PCDH7: variants seen among roughly 807,000 people sequenced by gnomAD.
PCDH7 encodes protocadherin 7.
A neutral mutation model predicts 58.9 loss-of-function variants in PCDH7; 17 were observed. That is an observed-to-expected ratio of 0.29 (90% CI 0.20 to 0.43). The LOEUF (loss-of-function observed/expected upper bound fraction) is 0.43. Among genes scored for constraint, PCDH7 ranks in the 20% least tolerant of loss-of-function variants. The probability of loss-of-function intolerance (pLI) is 1.00; values close to 1 mark genes in which losing one functional copy is unlikely to be tolerated. For missense variants in PCDH7, 1,274 were observed against 1,441.0 expected (o/e 0.88, Z 1.88); for synonymous variants, 664 against 616.4 (o/e 1.08, Z -1.14).
intron 1 of PCDH7, among the ~76,000 whole-genome samples, chr4:30,914,552 T>G (rs1742179363): frequency 6.6e-6 from 1 of 152,162 alleles, no homozygotes; most frequent in Non-Finnish European, 1.5e-5. Context: ...AAAATAAAAT[T>G]TTAGCACTTT....
At chr4:30,923,038 G>A (rs1398378426) in intron 2 of PCDH7, among the ~76,000 whole-genome samples, 1 of 152,030 alleles carries the variant, frequency 6.6e-6, no homozygotes, top group African/African-American at 2.4e-5. Flanking sequence ...TGGAATCCAG[G>A]TAATCTGTAG....
At chr4:31,030,218 T>C (rs886880373) in intron 3 of PCDH7, among the ~76,000 whole-genome samples, 1 of 151,978 alleles carries the variant, frequency 6.6e-6, no homozygotes, top group Admixed American at 6.6e-5. Flanking sequence ...GTTATATTCA[T>C]TTGTCCTATA....
intron 3 of PCDH7, among the ~76,000 whole-genome samples, chr4:31,076,676 C>T (rs1759020631): frequency 6.6e-6 from 1 of 152,148 alleles, no homozygotes; most frequent in African/African-American, 2.4e-5. Context: ...TTTTCAGCAT[C>T]TCAACATAGT....
chr4:31,011,699 C>A (rs573810505), intron 3 of PCDH7, among the ~76,000 whole-genome samples: 3 of 151,924 alleles, frequency 2.0e-5, no homozygotes, highest in South Asian at 2.1e-4. Context: ...CAACTCTCAA[C>A]TTTAAGGTAA....
intron 3 of PCDH7, among the ~76,000 whole-genome samples, chr4:31,026,955 T>A (rs1439009349): frequency 1.3e-5 from 2 of 152,200 alleles, no homozygotes; most frequent in East Asian, 3.9e-4. Context: ...GGCTTCAAAT[T>A]ATTGCATTTT....
rs1425289321 is a variant in PCDH7, at chr4:30,721,977, G to T, written c.555G>T (p.Glu185Asp). The T allele has an allele frequency of 2.2e-6, 3 of 1,349,286 alleles. No homozygotes were observed. Among genetic ancestry groups the T allele is most frequent in the South Asian group, 3.7e-5 (2 of 53,676 alleles). 83.6% of individuals were successfully genotyped at this position (1,349,286 alleles called of 1,614,324 possible). A position where few individuals can be genotyped will look rare whatever the true frequency, so the allele number is the denominator to read the frequency against. The stretch of plus-strand genomic sequence containing the variant: ...TCGAGCGCTACGAGCTGCTCCAGGA[G>T]CCCGGAGGCGGCGGCAGCGGCGGCG... Residue 185 changes from glutamate to aspartate, a missense_variant, in exon 1 of 2, where the codon GAG becomes GAT. Transcript: ENST00000361762. The surrounding 1 kb of genome is among the most constrained non-coding windows in gnomAD (Gnocchi z 6.7).
chr4:31,015,292 C>T (rs946375933), intron 3 of PCDH7, among the ~76,000 whole-genome samples: 1 of 152,174 alleles, frequency 6.6e-6, no homozygotes, highest in South Asian at 2.1e-4. Flanking sequence ...CAATCCACAT[C>T]GCACTTTATG....
chr4:30,847,834 T>C (rs941627769), intron 1 of PCDH7, among the ~76,000 whole-genome samples: 1 of 152,132 alleles, frequency 6.6e-6, no homozygotes, highest in Admixed American at 6.6e-5. Context: ...CACTCTTCCT[T>C]TATTACTTTG....
intron 3 of PCDH7, among the ~76,000 whole-genome samples, chr4:30,968,376 C>CTATA (rs60085619): frequency 0.031 from 2,048 of 66,722 alleles, 37 homozygotes; most frequent in Middle Eastern, 0.034. Context: ...TATACACACA[C>CTATA]TATATATATA....
rs367880816 is a variant in PCDH7, at chr4:30,873,528, G to T, written c.71-46625G>T. On this transcript the variant is annotated intron_variant, in intron 1 of 3. Coordinates refer to the PCDH7 transcript ENST00000509759. The stretch of plus-strand genomic sequence containing the variant: ...ATCTATATGTATTTCTAAATAATGA[G>T]AAATTTTGCAGAGAATTACAATGAT... Among the ~76,000 whole-genome samples the T allele has an allele frequency of 2.8e-5, 3 of 106,140 alleles. No homozygotes were observed. The East Asian group carries it at 6.5e-4, about 23-fold the overall frequency. 69.6% of individuals were successfully genotyped at this position (106,140 alleles called of 152,430 possible). A position where few individuals can be genotyped will look rare whatever the true frequency, so the allele number is the denominator to read the frequency against.
At chr4:30,934,771 C>T (rs988896097) in intron 2 of PCDH7, among the ~76,000 whole-genome samples, 5 of 151,992 alleles carry the variant, frequency 3.3e-5, no homozygotes, top group Non-Finnish European at 5.9e-5. Flanking sequence ...TTAAAAAGTC[C>T]TTCTTAAATA....
At chr4:31,090,384 C>T (rs935421064) in intron 3 of PCDH7, among the ~76,000 whole-genome samples, 3 of 151,736 alleles carry the variant, frequency 2.0e-5, no homozygotes, top group Non-Finnish European at 4.4e-5. Context: ...ATGGATTATC[C>T]GTCACCTACG....
intron 1 of PCDH7, among the ~76,000 whole-genome samples, chr4:30,802,496 A>G (rs1215566971): frequency 1.3e-5 from 2 of 152,122 alleles, no homozygotes; most frequent in Non-Finnish European, 2.9e-5. Flanking sequence ...AAGTACATGG[A>G]TGAAACAAGA....
intron 3 of PCDH7, among the ~76,000 whole-genome samples, chr4:31,123,835 A>T (rs1291922199): frequency 6.6e-6 from 1 of 152,090 alleles, no homozygotes. Context: ...AAGAGGATGG[A>T]GGGAGAAGAG....
chr4:30,963,970 A>G (rs528641975), intron 3 of PCDH7, among the ~76,000 whole-genome samples: 10 of 152,184 alleles, frequency 6.6e-5, no homozygotes, highest in African/African-American at 2.2e-4. Context: ...TTATCTTTCT[A>G]TTTCAAACAC....
chr4:30,973,243 G>A (rs1156687809), intron 3 of PCDH7, among the ~76,000 whole-genome samples: 1 of 152,188 alleles, frequency 6.6e-6, no homozygotes, highest in African/African-American at 2.4e-5. Flanking sequence ...GAGGATGAAA[G>A]GTACTACAAG....
At chr4:30,788,883 C>T (rs35154721) in intron 1 of PCDH7, among the ~76,000 whole-genome samples, 24,013 of 152,016 alleles carry the variant, frequency 0.16, 2,139 homozygotes, top group East Asian at 0.31. Context: ...ATTTTTAAGA[C>T]AATTTTAAGT....
At chr4:30,898,283 G>T (rs1243221170) in intron 1 of PCDH7, among the ~76,000 whole-genome samples, 2 of 152,124 alleles carry the variant, frequency 1.3e-5, no homozygotes, top group Admixed American at 6.5e-5. Context: ...ACCCGAAGGA[G>T]TTTAAGTGTA....
Position 30,723,558 on chromosome 4 carries a change from C to T in PCDH7, c.2136C>T (p.Val712=), listed in dbSNP as rs1452847911. The T allele has an allele frequency of 6.2e-7, 1 of 1,614,136 alleles. No homozygotes were observed. Among genetic ancestry groups the T allele is most frequent in the Non-Finnish European group, 8.5e-7 (1 of 1,180,002 alleles). Reference sequence around the variant, plus strand: ...ATCAGACCACATACACTTTCAGAGTCAAGGCTGTGGATGGGGGAGATCCTC... The same window carrying T: ...ATCAGACCACATACACTTTCAGAGTTAAGGCTGTGGATGGGGGAGATCCTC... Residue 712 remains valine, a synonymous_variant, in exon 1 of 2, where the codon GTC becomes GTT. Coordinates refer to ENST00000361762, the Ensembl canonical transcript of PCDH7. This position sits in a 1 kb window ranked among gnomAD's most constrained non-coding sequence, Gnocchi z 4.6.
Sources: allele counts gnomAD v4.1 joint callset (sites outside exome capture counted in the v4.1 genomes callset), GRCh38; gene constraint gnomAD v4.1.1; non-coding constraint Gnocchi (gnomAD v3.1); transcripts MANE v1.5; gene names NCBI Gene and HGNC (gene_info 2026-07-23, HGNC 2026-07-21).